ANKRD35: variants seen among roughly 807,000 people sequenced by gnomAD.
The protein encoded by ANKRD35 is ankyrin repeat domain 35.
A neutral mutation model predicts 109.9 loss-of-function variants in ANKRD35; 102 were observed. The observed-to-expected ratio is 0.93, with a 90% CI of 0.79 to 1.09. ANKRD35 has a LOEUF of 1.09. ANKRD35 is among the 50% of genes least tolerant of loss of function. The pLI is 0.00. For missense variants in ANKRD35, 1,240 were observed against 1,230.1 expected (o/e 1.01, Z -0.12); for synonymous variants, 515 against 512.4 (o/e 1.01, Z -0.07).
intron 1 of ANKRD35, among the ~76,000 whole-genome samples, chr1:145,885,393 T>C (rs1473656848): frequency 1.3e-5 from 2 of 151,618 alleles, no homozygotes; most frequent in South Asian, 2.1e-4. Context: ...GGTTTGGTAC[T>C]GGGAGACGGA....
chr1:145,872,817 C>T lies in ANKRD35; in HGVS notation c.1952G>A (p.Arg651Gln). The T allele has an allele frequency of 1.2e-6, 2 of 1,614,026 alleles. No individual in the cohort carries two copies. Among genetic ancestry groups the T allele is most frequent in the Non-Finnish European group, 1.7e-6 (2 of 1,179,956 alleles). ...CTTGGGCACAAACTCCCGCTGCAGC[C>T]GCTGGCTCAGGGACTGTAGCTCCCT... The part of the protein sequence containing the change: ...LQRELQSLSQ[R>Q]LQREFVPKPQ... Residue 651 changes from arginine (R) to glutamine (Q), a missense_variant, in exon 10 of 14, where the codon CGG (arginine) becomes CAG (glutamine). Coordinates refer to ENST00000355594, the MANE Select transcript of ANKRD35 (RefSeq NM_144698.5).
chr1:145,879,940 G>A (rs1654226635), intron 1 of ANKRD35, among the ~76,000 whole-genome samples: 1 of 152,148 alleles, frequency 6.6e-6, no homozygotes, highest in Non-Finnish European at 1.5e-5. Flanking sequence ...TCTTTTCATT[G>A]GCTTTGGGCC....
At chr1:145,869,957 G>T (rs587656747) in intron 10 of ANKRD35, among the ~76,000 whole-genome samples, 1 of 152,306 alleles carries the variant, frequency 6.6e-6, no homozygotes, top group South Asian at 2.1e-4. Flanking sequence ...GGGAAATGGA[G>T]ATGAGTCCTT....
Position 145,868,389 on chromosome 1 carries a change from CA to C in ANKRD35, c.2798del (p.Leu933CysfsTer2). On this transcript the variant is annotated frameshift_variant, in exon 11 of 14. Coordinates refer to ENST00000355594, the MANE Select transcript of ANKRD35 (RefSeq NM_144698.5). LOFTEE classifies it high-confidence loss of function. The stretch of plus-strand genomic sequence containing the variant: ...CTGAAAGCTGCTCCAGCTTCTTCAA[CA>C]ACTCCTTGATCTGAGGCCAAGAGGA... ...CRDKEAKIKELLKKLEQLSEE... is the reference protein window; with the variant it reads ...CRDKEAKIKEXLKKLEQLSEE... 6.2e-7 allele frequency: 1 copy of C among 1,614,204 alleles called. No homozygotes were observed. The highest frequency in any genetic ancestry group is 1.1e-5 in the South Asian group (1 of 91,086).
Position 145,879,288 on chromosome 1 carries a change from G to C in ANKRD35, c.140C>G (p.Pro47Arg). 1 of 1,611,328 alleles carries C rather than the reference G, an allele frequency of 6.2e-7. No homozygotes were observed. The highest frequency in any genetic ancestry group is 8.5e-7 in the Non-Finnish European group (1 of 1,178,858). ...AALASRKSAR[P>R]TKLDSNGQSP... ...CTGGCCATTCGAGTCAAGCTTGGTG[G>C]GTCGGGCAGATTTCCTGGAGGCCAG... The change falls in exon 2 of 14, where the codon CCC (proline) becomes CGC (arginine). Residue 47 changes from proline (P) to arginine (R), a missense_variant. Transcript: ENST00000355594.
intron 6 of ANKRD35, 51 bp downstream of exon 6, chr1:145,876,518 G>A: frequency 5.6e-6 from 9 of 1,608,330 alleles, no homozygotes; most frequent in Non-Finnish European, 7.7e-6. Flanking sequence ...CTGAGAGACA[G>A]CAGCAGCCCT....
In ANKRD35 at chr1:145,879,341, G is replaced by A; in HGVS notation, c.87C>T (p.His29=). 6.2e-7 allele frequency: 1 copy of A among 1,607,072 alleles called. No homozygotes were observed. Among genetic ancestry groups the A allele is most frequent in the Non-Finnish European group, 8.5e-7 (1 of 1,177,048 alleles). The change falls in exon 2 of 14, where the codon CAC becomes CAT. Residue 29 remains histidine (H), a synonymous_variant. Coordinates refer to ENST00000355594, the MANE Select transcript of ANKRD35 (RefSeq NM_144698.5). ...RHDQKLLEAV[H]RGDVGRVAAL... The stretch of plus-strand genomic sequence containing the variant: ...CAGCCACGCGTCCCACATCCCCCCT[G>A]TGCACTGCCTCCAGCAGCTTCTGAT...
rs1653883664 is a variant in ANKRD35, at chr1:145,872,653, C to T, written c.2116G>A (p.Asp706Asn). 6.2e-7 allele frequency: 1 copy of T among 1,613,982 alleles called. No homozygotes were observed. The highest frequency in any genetic ancestry group is 8.5e-7 in the Non-Finnish European group (1 of 1,180,000). The change falls in exon 10 of 14, where the codon GAC becomes AAC. Residue 706 changes from aspartate (D) to asparagine (N), a missense_variant. Physicochemically the swap from Asp to Asn is conservative, Grantham distance 23. Coordinates refer to ENST00000355594, the MANE Select transcript of ANKRD35 (RefSeq NM_144698.5). ...CCCACTAGGTCTGCGGGCAGGCAGTCCCACAGCCCTCGGAGACCGCTGCTC... is the reference window on the plus strand; with the variant it reads ...CCCACTAGGTCTGCGGGCAGGCAGTTCCACAGCCCTCGGAGACCGCTGCTC... ...SQSSGLRGLW[D>N]CLPADLVGER...
chr1:145,876,086 C>T, intron 7 of ANKRD35, 54 bp downstream of exon 7: 1 of 1,528,010 alleles, frequency 6.5e-7, no homozygotes, highest in Non-Finnish European at 9.0e-7. Context: ...CCACTGGCTT[C>T]TTTCTAAATT....
chr1:145,872,329 G>A lies in ANKRD35; in HGVS notation c.2440C>T (p.Leu814Phe). 6.2e-7 allele frequency: 1 copy of A among 1,612,956 alleles called. No homozygotes were observed. Among genetic ancestry groups the A allele is most frequent in the Non-Finnish European group, 8.5e-7 (1 of 1,179,558 alleles). ...GCCACTTCCTCTGTGGCTTGGTAGA[G>A]CAGCTGCTTCAGCTTTCCGATCTCC... ...SQEIGKLKQL[L>F]YQATEEVAEL... The change falls in exon 10 of 14, where the codon CTC (leucine) becomes TTC (phenylalanine). Residue 814 changes from leucine (L) to phenylalanine (F), a missense_variant. Coordinates refer to ENST00000355594, the MANE Select transcript of ANKRD35 (RefSeq NM_144698.5).
intron 13 of ANKRD35, 94 bp downstream of exon 13, chr1:145,867,193 C>T: frequency 1.2e-6 from 1 of 823,106 alleles, no homozygotes; most frequent in Non-Finnish European, 2.0e-6. Context: ...TGTCAGCCAC[C>T]ACGGGGGCAA....
rs1413337097 is a variant in ANKRD35 at position 145,872,102 on chromosome 1, G to C, written c.2667C>G (p.Ala889=). 5 of 1,612,828 alleles carry C rather than the reference G, an allele frequency of 3.1e-6. No individual in the cohort carries two copies. The highest frequency in any genetic ancestry group is 1.1e-5 in the South Asian group (1 of 91,008). The change falls in exon 10 of 14, where the codon GCC becomes GCG. Residue 889 remains alanine (A), a synonymous_variant. Transcript: ENST00000355594. The stretch of plus-strand genomic sequence containing the variant: ...TCTCGCTGGCCTGGCGCTCTTGTTC[G>C]GCTGCCTGAGCGGCCAGGTCCCCGC... ...RRSGDLAAQA[A]EQERQASEMR...
At position 145,873,506 on chromosome 1, in the gene ANKRD35, T is replaced by C; in HGVS notation, c.1263A>G (p.Gln421=). Residue 421 remains glutamine (Q), a synonymous_variant, in exon 10 of 14, where the codon CAA becomes CAG. Coordinates refer to ENST00000355594, the MANE Select transcript of ANKRD35 (RefSeq NM_144698.5). ...TCTGGGGTGGCCCCTGTTCTTCTGGTTGGGACCTTCCATGGACTTCATACT... is the reference window on the plus strand; with the variant it reads ...TCTGGGGTGGCCCCTGTTCTTCTGGCTGGGACCTTCCATGGACTTCATACT... ...KIQYEVHGRS[Q]PEEQGPPQSP... The C allele has an allele frequency of 2.5e-6, 4 of 1,614,068 alleles. No individual in the cohort carries two copies. In the African/African-American group the frequency reaches 4.0e-5, roughly 16 times the overall value.
rs782161124 is a variant in ANKRD35, at chr1:145,878,414, T to A, written c.236A>T (p.Asp79Val). The change falls in exon 3 of 14, where the codon GAC becomes GTC. Residue 79 changes from aspartate to valine, a missense_variant. Transcript: ENST00000355594. ...CLTILLANGA[D>V]INSKNEDGST... ...ACCATCCTCATTCTTGCTGTTGATG[T>A]CAGCCCCATTTGCAAGCAGGATAGT... The A allele has an allele frequency of 9.0e-5, 141 of 1,569,326 alleles. No individual in the cohort carries two copies. The Middle Eastern group carries it at 1.0e-3, about 11-fold the overall frequency.
intron 1 of ANKRD35, 119 bp from the exon 2 acceptor site, chr1:145,879,507 A>G (rs893935601): frequency 1.7e-6 from 2 of 1,168,390 alleles, no homozygotes; most frequent in Non-Finnish European, 2.3e-6. Flanking sequence ...TCTCTTCCAC[A>G]AGTCACACAT....
chr1:145,883,080 T>C (rs1015974858), intron 1 of ANKRD35, among the ~76,000 whole-genome samples: 71 of 129,130 alleles, frequency 5.5e-4, no homozygotes, highest in African/African-American at 2.6e-3. Context: ...GTACCAATTT[T>C]TTTTTTTTTT....
At position 145,872,856 on chromosome 1, in the gene ANKRD35, C is replaced by G. The variant is rs1553739129; in HGVS notation, c.1913G>C (p.Arg638Pro). Residue 638 changes from arginine to proline, a missense_variant, in exon 10 of 14, where the codon CGG (arginine) becomes CCG (proline). Coordinates refer to ENST00000355594, the MANE Select transcript of ANKRD35 (RefSeq NM_144698.5). ...CTGTAGCTCCCTCTGCAACCTCTGC[C>G]GCTCCCGCCCCAACTCCCCTAACTC... ...LEELGELGRERQRLQRELQSL... is the reference protein window; with the variant it reads ...LEELGELGREPQRLQRELQSL... 2 of 1,613,964 alleles carry G rather than the reference C, an allele frequency of 1.2e-6. No individual in the cohort carries two copies. The highest frequency in any genetic ancestry group is 2.7e-5 in the African/African-American group (2 of 74,926).
In ANKRD35 at chr1:145,868,428, A is replaced by G. The variant is rs376003808; in HGVS notation, c.2788-28T>C. ...GAGGCCAAGAGGAAAGAGGCAACCAATGAGGCTCCAAGTCATTTCTCCCAC... is the reference window on the plus strand; with the variant it reads ...GAGGCCAAGAGGAAAGAGGCAACCAGTGAGGCTCCAAGTCATTTCTCCCAC... On this transcript the variant is annotated intron_variant, in intron 10 of 13. Transcript: ENST00000355594. 13 of 1,603,104 alleles carry G rather than the reference A, an allele frequency of 8.1e-6. No individual in the cohort carries two copies. In the African/African-American group the frequency reaches 1.3e-4, roughly 17 times the overall value.
rs1318715325 is a variant in ANKRD35, at chr1:145,868,332, A to T, written c.2856T>A (p.Ala952=). ...ATACCTGCAGCTGCAGGGCAAGGCGAGCATTTTCTCCCCGAATTGCTAGAA... is the reference window on the plus strand; with the variant it reads ...ATACCTGCAGCTGCAGGGCAAGGCGTGCATTTTCTCCCCGAATTGCTAGAA... ...EEVLAIRGEN[A]RLALQLQDSQ... is the part of the protein sequence containing the mutation. The change falls in exon 11 of 14, where the codon GCT becomes GCA. Residue 952 remains alanine (A), a synonymous_variant. Coordinates refer to ENST00000355594, the MANE Select transcript of ANKRD35 (RefSeq NM_144698.5). 13 of 1,614,094 alleles carry T rather than the reference A, an allele frequency of 8.1e-6. No individual in the cohort carries two copies. Among genetic ancestry groups the T allele is most frequent in the Non-Finnish European group, 1.1e-5 (13 of 1,180,048 alleles).
Sources: allele counts gnomAD v4.1 joint callset (sites outside exome capture counted in the v4.1 genomes callset), GRCh38; gene constraint gnomAD v4.1.1; transcripts MANE v1.5; gene names NCBI Gene and HGNC (gene_info 2026-07-23, HGNC 2026-07-21).